ABCG2: variants seen among roughly 807,000 people sequenced by gnomAD.
ABCG2 encodes ATP binding cassette subfamily G member 2 (JR blood group).
A neutral mutation model predicts 73.5 loss-of-function variants in ABCG2; 80 were observed. The observed-to-expected ratio is 1.09, with a 90% CI of 0.91 to 1.31. ABCG2 has a LOEUF of 1.31. Ranked by LOEUF, ABCG2 falls within the 50% of genes most tolerant of loss-of-function variation. ABCG2 has a pLI of 0.00. For missense variants in ABCG2, 796 were observed against 786.2 expected, an observed-to-expected ratio of 1.01 and a Z score of -0.15; for synonymous variants, 269 against 282.4, an observed-to-expected ratio of 0.95 and a Z score of 0.48.
intron 15 of ABCG2, among the ~76,000 whole-genome samples, chr4:88,092,655 C>A (rs1721712987): frequency 6.6e-6 from 1 of 152,172 alleles, no homozygotes; most frequent in Non-Finnish European, 1.5e-5. Context: ...AGGAACTTGA[C>A]CAGGTTTACA....
chr4:88,217,591 G>A (rs926138178), intron 1 of ABCG2, among the ~76,000 whole-genome samples: 3 of 152,060 alleles, frequency 2.0e-5, no homozygotes, highest in African/African-American at 7.2e-5. Flanking sequence ...GAACCCAGTA[G>A]GTGGAGGTTG....
intron 6 of ABCG2, among the ~76,000 whole-genome samples, chr4:88,120,841 T>G (rs1365133016): frequency 6.6e-6 from 1 of 152,138 alleles, no homozygotes; most frequent in Non-Finnish European, 1.5e-5. Flanking sequence ...ATGATTGGTT[T>G]TAAAATGTGA....
chr4:88,179,457 G>T (rs1012866383), intron 1 of ABCG2, among the ~76,000 whole-genome samples: 4 of 152,072 alleles, frequency 2.6e-5, no homozygotes, highest in Non-Finnish European at 4.4e-5. Flanking sequence ...GTACAAACAG[G>T]CCCAGACTAC....
At chr4:88,220,633 CAG>C (rs1471857223) in intron 1 of ABCG2, 1 of 152,580 alleles carries the variant, frequency 6.6e-6, no homozygotes, top group African/African-American at 2.4e-5. Context: ...TGTAGACTGA[CAG>C]AGAACGGTAG....
At chr4:88,219,612 T>C (rs1371353577) in intron 1 of ABCG2, among the ~76,000 whole-genome samples, 1 of 137,352 alleles carries the variant, frequency 7.3e-6, no homozygotes, top group Non-Finnish European at 1.5e-5. Context: ...GACCGAGTCT[T>C]GCTCTGTCAC....
At chr4:88,149,115 T>A (rs932129695) in intron 1 of ABCG2, among the ~76,000 whole-genome samples, 3 of 152,112 alleles carry the variant, frequency 2.0e-5, no homozygotes, top group African/African-American at 7.2e-5. Flanking sequence ...CTTGTGAGGC[T>A]GAGGAAGGGG....
At chr4:88,115,554 G>C (rs1335295181) in intron 7 of ABCG2, among the ~76,000 whole-genome samples, 1 of 148,740 alleles carries the variant, frequency 6.7e-6, no homozygotes, top group Non-Finnish European at 1.5e-5. Context: ...AAAGTGCTGG[G>C]ATTACAGGCA....
chr4:88,210,105 G>A (rs1016928592), intron 1 of ABCG2, among the ~76,000 whole-genome samples: 16 of 152,014 alleles, frequency 1.1e-4, no homozygotes, highest in Non-Finnish European at 1.5e-4. Context: ...GAATGCTCAT[G>A]CACATATAAG....
At chr4:88,169,274 G>A (rs948764409) in intron 1 of ABCG2, among the ~76,000 whole-genome samples, 1 of 152,034 alleles carries the variant, frequency 6.6e-6, no homozygotes, top group African/African-American at 2.4e-5. Context: ...TGGAACTCCT[G>A]ACCTCATGAT....
intron 1 of ABCG2, among the ~76,000 whole-genome samples, chr4:88,177,167 T>C (rs1728026548): frequency 6.6e-6 from 1 of 151,986 alleles, no homozygotes; most frequent in South Asian, 2.1e-4. Context: ...GGTCAGGAGA[T>C]CGAGACCATT....
intron 1 of ABCG2, among the ~76,000 whole-genome samples, chr4:88,164,584 G>GT (rs555891645): frequency 6.6e-6 from 1 of 152,268 alleles, no homozygotes; most frequent in African/African-American, 2.4e-5. Context: ...TGCCATGATT[G>GT]TAAGTTTCCT....
At position 88,194,447 on chromosome 4, in the gene ABCG2, G is replaced by T. The variant is rs1032796817; in HGVS notation, c.-20+36547C>A. Among the ~76,000 whole-genome samples the T allele has an allele frequency of 2.7e-5, 4 of 150,576 alleles. No individual in the cohort carries two copies. The Admixed American group carries it at 2.7e-4, about 10-fold the overall frequency. On this transcript the variant is annotated intron_variant, in intron 1 of 15. Coordinates refer to the ABCG2 transcript ENST00000515655. ...CGCCTGTAGTCCCAGCTACTCGGGA[G>T]GCTGAGGCAGGAGAATGGCGTGAAC...
upstream of ABCG2, chr4:88,159,267 C>T (rs1423392554): frequency 2.2e-6 from 1 of 454,898 alleles, no homozygotes; most frequent in African/African-American, 2.0e-5. Flanking sequence ...ACCGGGGACG[C>T]TGACGCACAG....
intron 1 of ABCG2, among the ~76,000 whole-genome samples, chr4:88,196,786 CAAA>C (rs11355127): frequency 1.5e-5 from 2 of 132,364 alleles, no homozygotes; most frequent in African/African-American, 2.8e-5. Context: ...TGAAGATTAC[CAAA>C]AAAAAAAAAA....
intron 1 of ABCG2, among the ~76,000 whole-genome samples, chr4:88,214,239 G>A (rs1729717508): frequency 6.6e-6 from 1 of 151,878 alleles, no homozygotes; most frequent in South Asian, 2.1e-4. Flanking sequence ...ACCCGCCTCA[G>A]CTTCCCAAAG....
chr4:88,207,886 G>A (rs768732979), intron 1 of ABCG2, among the ~76,000 whole-genome samples: 9 of 152,088 alleles, frequency 5.9e-5, no homozygotes, highest in Non-Finnish European at 1.0e-4. Context: ...CACAATGAAG[G>A]ATATTTTTGT....
rs1369908133 is a variant in ABCG2, at chr4:88,158,253, G to C, written c.-20+133C>G. 5 of 319,636 alleles carry C rather than the reference G, an allele frequency of 1.6e-5. No homozygotes were observed. The Admixed American group carries it at 2.2e-4, about 14-fold the overall frequency. 19.8% of individuals were successfully genotyped at this position (319,636 alleles called of 1,614,324 possible). The stretch of plus-strand genomic sequence containing the variant: ...TTAAACTGCATACCCACTTTCAAAT[G>C]AAACTGCGAAAGGCTAAAAAACTCA... On this transcript the variant is annotated intron_variant, in intron 1 of 15. Coordinates refer to ENST00000237612, the MANE Select transcript of ABCG2 (RefSeq NM_004827.3).
chr4:88,180,896 A>T (rs957117911), intron 1 of ABCG2, among the ~76,000 whole-genome samples: 1 of 152,246 alleles, frequency 6.6e-6, no homozygotes, highest in African/African-American at 2.4e-5. Flanking sequence ...TCCAAAGTGT[A>T]AACTACTCAT....
At chr4:88,180,115 A>T (rs1728173068) in intron 1 of ABCG2, among the ~76,000 whole-genome samples, 1 of 152,174 alleles carries the variant, frequency 6.6e-6, no homozygotes, top group Admixed American at 6.5e-5. Flanking sequence ...AACCCAAATA[A>T]GATTACCTCA....
Sources: allele counts gnomAD v4.1 joint callset (sites outside exome capture counted in the v4.1 genomes callset), GRCh38; gene constraint gnomAD v4.1.1; transcripts MANE v1.5; gene names NCBI Gene and HGNC (gene_info 2026-07-23, HGNC 2026-07-21).